CTNNA2: variants seen among roughly 807,000 people sequenced by gnomAD.
The protein encoded by CTNNA2 is catenin alpha 2.
In CTNNA2, 42 loss-of-function variants were observed where a neutral mutation model predicts 101.0. The ratio of observed to expected loss-of-function variants is 0.42; its 90% CI spans 0.32 to 0.54. CTNNA2 has a LOEUF of 0.54. Among genes scored for constraint, CTNNA2 ranks in the 20% least tolerant of loss-of-function variants. The pLI is 0.14. For synonymous variants in CTNNA2, 450 were observed against 456.4 expected, an observed-to-expected ratio of 0.99 and a Z score of 0.18; for missense variants, 871 against 1,223.1, an observed-to-expected ratio of 0.71 and a Z score of 4.29.
At chr2:79,969,900 A>G (rs1690358920) in intron 7 of CTNNA2, among the ~76,000 whole-genome samples, 1 of 152,242 alleles carries the variant, frequency 6.6e-6, no homozygotes, top group Non-Finnish European at 1.5e-5. Flanking sequence ...TGACAAATGA[A>G]TACATTTAGC....
intron 9 of CTNNA2, among the ~76,000 whole-genome samples, chr2:80,454,736 T>G (rs559732561): frequency 3.9e-5 from 6 of 152,336 alleles, no homozygotes; most frequent in Non-Finnish European, 5.9e-5. Flanking sequence ...GGTCTCCATC[T>G]GCAGCCTCTC....
At chr2:79,845,827 A>T (rs914713642) in intron 3 of CTNNA2, among the ~76,000 whole-genome samples, 1 of 152,198 alleles carries the variant, frequency 6.6e-6, no homozygotes, top group African/African-American at 2.4e-5. Flanking sequence ...GTGTTTTATT[A>T]TGGTTTATAC....
At chr2:79,471,530 C>T (rs1353191943) in intron 4 of CTNNA2, among the ~76,000 whole-genome samples, 1 of 152,108 alleles carries the variant, frequency 6.6e-6, no homozygotes, top group Non-Finnish European at 1.5e-5. Flanking sequence ...AATACCATCA[C>T]ATCGGAGGTT....
chr2:80,440,682 G>A (rs1161096266), intron 9 of CTNNA2, among the ~76,000 whole-genome samples: 1 of 152,174 alleles, frequency 6.6e-6, no homozygotes, highest in African/African-American at 2.4e-5. Flanking sequence ...CAGGTGTTCA[G>A]TTGAGCAGTG....
At chr2:80,561,188 G>C (rs1244980427) in intron 12 of CTNNA2, among the ~76,000 whole-genome samples, 1 of 152,070 alleles carries the variant, frequency 6.6e-6, no homozygotes, top group Admixed American at 6.6e-5. Flanking sequence ...GAGGTGGTAG[G>C]GGCAGCTTAT....
chr2:79,645,849 A>G (rs1037725836), intron 1 of CTNNA2, among the ~76,000 whole-genome samples: 2 of 152,242 alleles, frequency 1.3e-5, no homozygotes, highest in Non-Finnish European at 2.9e-5. Context: ...TCATACGTGC[A>G]GAGGTAGGTG....
At chr2:79,813,984 A>G (rs1029861919) in intron 3 of CTNNA2, among the ~76,000 whole-genome samples, 11 of 152,012 alleles carry the variant, frequency 7.2e-5, no homozygotes, top group African/African-American at 2.4e-4. Context: ...GTGGCTGTCA[A>G]TCCTATACCT....
intron 7 of CTNNA2, among the ~76,000 whole-genome samples, chr2:79,998,049 C>T (rs1692680301): frequency 6.6e-6 from 1 of 152,042 alleles, no homozygotes; most frequent in African/African-American, 2.4e-5. Flanking sequence ...CTTATAGTGG[C>T]AGAAAAGGGA....
rs541246124 is a variant in CTNNA2, at chr2:80,037,361, G to T, written c.1056+127564G>T. Among the ~76,000 whole-genome samples the T allele has an allele frequency of 1.8e-4, 27 of 152,256 alleles. No homozygotes were observed. The South Asian group carries it at 5.6e-3, about 32-fold the overall frequency. ...ACCATGTCCTTCTAATTGTGGTGCT[G>T]TCAGTTCACTACTGCAAAAAAAATG... On this transcript the variant is annotated intron_variant, in intron 7 of 18. Coordinates refer to ENST00000402739, the MANE Select transcript of CTNNA2 (RefSeq NM_001282597.3).
chr2:79,530,694 A>C (rs922097903), intron 1 of CTNNA2, among the ~76,000 whole-genome samples: 1 of 152,186 alleles, frequency 6.6e-6, no homozygotes, highest in African/African-American at 2.4e-5. Flanking sequence ...GCTTCAGTCA[A>C]GTGGTCACCT....
chr2:80,584,556 C>A (rs906901155), intron 14 of CTNNA2, among the ~76,000 whole-genome samples: 1 of 151,902 alleles, frequency 6.6e-6, no homozygotes, highest in Admixed American at 6.6e-5. Flanking sequence ...TGTTTCTCCA[C>A]AGTCTGGCAT....
intron 3 of CTNNA2, among the ~76,000 whole-genome samples, chr2:79,797,971 C>T (rs559365522): frequency 6.6e-6 from 1 of 152,156 alleles, no homozygotes; most frequent in Non-Finnish European, 1.5e-5. Flanking sequence ...CTGACACTGA[C>T]ACAAATTTAC....
At chr2:79,904,932 G>A (rs1171305577) in intron 6 of CTNNA2, among the ~76,000 whole-genome samples, 5 of 152,150 alleles carry the variant, frequency 3.3e-5, no homozygotes, top group South Asian at 2.1e-4. Flanking sequence ...AAGTAGTTTC[G>A]AACTACATAG....
chr2:79,551,786 A>T (rs1674117099), intron 1 of CTNNA2, among the ~76,000 whole-genome samples: 1 of 152,102 alleles, frequency 6.6e-6, no homozygotes. Flanking sequence ...GAGAAGGAGG[A>T]AGAAGGGAGT....
chr2:80,119,275 T>G (rs1347790211), intron 7 of CTNNA2, among the ~76,000 whole-genome samples: 1 of 152,192 alleles, frequency 6.6e-6, no homozygotes, highest in Non-Finnish European at 1.5e-5. Context: ...ATCAGATTTC[T>G]CAGATTTCCC....
At chr2:80,286,748 G>A (rs1267599672) in intron 7 of CTNNA2, among the ~76,000 whole-genome samples, 6 of 152,134 alleles carry the variant, frequency 3.9e-5, no homozygotes, top group Non-Finnish European at 7.4e-5. Flanking sequence ...TGAGGAAACC[G>A]TTTCCTTTTG....
intron 4 of CTNNA2, among the ~76,000 whole-genome samples, chr2:79,481,747 A>C (rs927763112): frequency 2.0e-5 from 3 of 152,154 alleles, no homozygotes; most frequent in African/African-American, 7.2e-5. Flanking sequence ...TTAAATAACA[A>C]TTAAAGTGCA....
At position 79,433,228 on chromosome 2, in the gene CTNNA2, T is replaced by C. The variant is rs148772243; in HGVS notation, c.-135+59215T>C. Among the ~76,000 whole-genome samples, 4 of 152,214 alleles carry C rather than the reference T, an allele frequency of 2.6e-5. No individual in the cohort carries two copies. In the East Asian group the frequency reaches 7.7e-4, roughly 29 times the overall value. On this transcript the variant is annotated intron_variant, in intron 4 of 21. Transcript: ENST00000466387. ...AAACACTTTCAAATCATTGTTTTGG[T>C]TGGAAAAAGGAATGTGTCCCTAGTG...
intron 4 of CTNNA2, among the ~76,000 whole-genome samples, chr2:79,450,861 C>G (rs1291075232): frequency 6.6e-6 from 1 of 152,064 alleles, no homozygotes. Flanking sequence ...TAATTATTAT[C>G]CATGTATTCC....
Sources: allele counts gnomAD v4.1 joint callset (sites outside exome capture counted in the v4.1 genomes callset), GRCh38; gene constraint gnomAD v4.1.1; transcripts MANE v1.5; gene names NCBI Gene and HGNC (gene_info 2026-07-23, HGNC 2026-07-21).